The following PPP2R5E variants were observed in gnomAD, a reference collection of about 807,000 sequenced individuals.
PPP2R5E encodes the protein serine/threonine-protein phosphatase 2A 56 kDa regulatory subunit epsilon isoform.
Under a neutral mutation model 65.3 loss-of-function variants are expected in PPP2R5E, and 4 were observed. The observed-to-expected ratio is 0.06, with a 90% confidence interval of 0.03 to 0.14. The LOEUF is 0.14. PPP2R5E is among the 10% of genes least tolerant of loss of function. PPP2R5E has a pLI of 1.00. For synonymous variants in PPP2R5E, 183 were observed against 187.4 expected (o/e 0.98, Z 0.19); for missense variants, 274 against 556.1 (o/e 0.49, Z 5.10).
intron 2 of PPP2R5E, among the ~76,000 whole-genome samples, chr14:63,501,724 T>C (rs1891899314): frequency 1.3e-5 from 2 of 152,162 alleles, no homozygotes; most frequent in Non-Finnish European, 1.5e-5. Context: ...GTGAATTATG[T>C]CTCAATAAAG....
At chr14:63,511,422 G>C (rs1258344933) in intron 2 of PPP2R5E, among the ~76,000 whole-genome samples, 1 of 152,128 alleles carries the variant, frequency 6.6e-6, no homozygotes, top group Non-Finnish European at 1.5e-5. Context: ...TCCATCTGAC[G>C]GGATGTTCAT....
At chr14:63,481,720 T>C (rs185858292) in intron 2 of PPP2R5E, among the ~76,000 whole-genome samples, 4 of 152,328 alleles carry the variant, frequency 2.6e-5, no homozygotes, top group African/African-American at 9.6e-5. Context: ...CAATGACAAA[T>C]TCTGTTTACT....
chr14:63,535,072 T>C (rs1893613556), intron 2 of PPP2R5E, among the ~76,000 whole-genome samples: 1 of 152,184 alleles, frequency 6.6e-6, no homozygotes. Context: ...ACAGGTGGTG[T>C]TGCTTTCTAC....
At chr14:63,379,275 G>A (rs1884174519) in intron 13 of PPP2R5E, among the ~76,000 whole-genome samples, 1 of 151,808 alleles carries the variant, frequency 6.6e-6, no homozygotes, top group African/African-American at 2.4e-5. Flanking sequence ...TGATCCGCCC[G>A]CCTCGGCCTC....
chr14:63,424,753 A>AAT (rs1347341070), intron 3 of PPP2R5E, among the ~76,000 whole-genome samples: 1 of 151,242 alleles, frequency 6.6e-6, no homozygotes, highest in Non-Finnish European at 1.5e-5. Context: ...TCCATCTCAA[A>AAT]AAAAAAAAAA....
chr14:63,448,213 T>C (rs781595375), intron 3 of PPP2R5E, among the ~76,000 whole-genome samples: 35 of 151,588 alleles, frequency 2.3e-4, no homozygotes, highest in Admixed American at 1.9e-3. Context: ...AGGAGACTGG[T>C]GTGAACCCCG....
At chr14:63,422,729 T>TTAAAAAA (rs1448115162) in intron 3 of PPP2R5E, among the ~76,000 whole-genome samples, 2 of 88,196 alleles carry the variant, frequency 2.3e-5, no homozygotes, top group African/African-American at 7.9e-5. Flanking sequence ...TCCGTCTATT[T>TTAAAAAA]AAAAAAAAAA....
chr14:63,468,185 C>G (rs1019612341), intron 2 of PPP2R5E, among the ~76,000 whole-genome samples: 2 of 152,148 alleles, frequency 1.3e-5, no homozygotes, highest in Non-Finnish European at 2.9e-5. Flanking sequence ...AGTGATAGCA[C>G]GAGCGTTTAA....
At chr14:63,389,912 G>GGTACTTGGAAAAATTCTAC (rs2139774186) in intron 10 of PPP2R5E, among the ~76,000 whole-genome samples, 181 bp from the exon 11 acceptor site, 1 of 151,996 alleles carries the variant, frequency 6.6e-6, no homozygotes, top group South Asian at 2.1e-4. Flanking sequence ...TTCACCATAG[G>GGTACTTGGAAAAATTCTAC]GTACTTGGAA....
At chr14:63,498,434 G>C (rs1208507717) in intron 2 of PPP2R5E, among the ~76,000 whole-genome samples, 11 of 151,772 alleles carry the variant, frequency 7.2e-5, no homozygotes, top group Non-Finnish European at 1.6e-4. Flanking sequence ...TTTTAGAAAA[G>C]GATGTTTTTC....
Position 63,376,103 on chromosome 14 carries a change from T to A in PPP2R5E, c.1310A>T (p.Lys437Ile). The change falls in exon 14 of 14, where the codon AAA becomes ATA. Residue 437 changes from lysine to isoleucine, a missense_variant. Lys to Ile is a moderately radical substitution (Grantham distance 102, BLOSUM62 -3). Coordinates refer to ENST00000337537, the MANE Select transcript of PPP2R5E (RefSeq NM_006246.5). Reference protein sequence around the residue: ...ATYKSDRQREKKKEKEREELW... With the variant: ...ATYKSDRQREIKKEKEREELW... The stretch of plus-strand genomic sequence containing the variant: ...TTCTTCACGCTCCTTTTCTTTCTTT[T>A]TCTCACTGAGGAAGAAACAGAATAC... The A allele has an allele frequency of 1.3e-6, 2 of 1,594,428 alleles. No homozygotes were observed. Among genetic ancestry groups the A allele is most frequent in the Non-Finnish European group, 1.7e-6 (2 of 1,162,372 alleles).
At chr14:63,492,068 C>G (rs976146018) in intron 2 of PPP2R5E, among the ~76,000 whole-genome samples, 2 of 152,094 alleles carry the variant, frequency 1.3e-5, no homozygotes, top group Non-Finnish European at 2.9e-5. Context: ...AGCCCAGAAA[C>G]TTTCTGTGTT....
intron 3 of PPP2R5E, among the ~76,000 whole-genome samples, chr14:63,430,405 A>ACATACATACATACATGCATACATG (rs1887607625): frequency 2.1e-5 from 3 of 144,072 alleles, no homozygotes; most frequent in African/African-American, 8.6e-5. Flanking sequence ...ATACATGCAT[A>ACATACATACATACATGCATACATG]CATACATACA....
At chr14:63,460,282 G>A (rs1327801065) in intron 2 of PPP2R5E, among the ~76,000 whole-genome samples, 11 of 152,116 alleles carry the variant, frequency 7.2e-5, no homozygotes, top group Non-Finnish European at 1.5e-4. Context: ...CACCCAGAAA[G>A]GCTAAGTCAT....
chr14:63,529,266 A>AT (rs944143564), intron 2 of PPP2R5E, among the ~76,000 whole-genome samples: 4 of 146,270 alleles, frequency 2.7e-5, no homozygotes, highest in Non-Finnish European at 4.5e-5. Context: ...GCCAAAGACT[A>AT]TTTTTTTTTC....
intron 10 of PPP2R5E, among the ~76,000 whole-genome samples, chr14:63,390,670 G>A (rs1884966740): frequency 6.6e-6 from 1 of 152,204 alleles, no homozygotes. Flanking sequence ...TTGGAGAATT[G>A]AAGCTGATTT....
In PPP2R5E at chr14:63,528,545, A is replaced by G. The variant is rs576183657; in HGVS notation, c.157+10984T>C. On this transcript the variant is annotated intron_variant, in intron 2 of 13. Transcript: ENST00000337537. ...ATGTTTTTAACCTGAAACATGCAGA[A>G]TTACCAAAGCACAAACCCACTCAGG... 5.3e-4 allele frequency among the ~76,000 whole-genome samples: 81 copies of G among 152,368 alleles called. 2 individuals are homozygous for G. In the South Asian group the frequency reaches 0.015, roughly 29 times the overall value.
chr14:63,493,373 G>A lies in PPP2R5E; in HGVS notation c.158-39488C>T, dbSNP rs1336775061. ...CTATAGAATATTTAGCAGCATCCCT[G>A]GCCTGTCTGCCACTAGATGCCAGTA... On this transcript the variant is annotated intron_variant, in intron 2 of 13. Transcript: ENST00000337537. 2.6e-5 allele frequency among the ~76,000 whole-genome samples: 4 copies of A among 152,030 alleles called. No individual in the cohort carries two copies. In the East Asian group the frequency reaches 5.8e-4, roughly 22 times the overall value.
At chr14:63,522,387 G>T (rs1046917666) in intron 2 of PPP2R5E, among the ~76,000 whole-genome samples, 13 of 151,090 alleles carry the variant, frequency 8.6e-5, no homozygotes, top group Non-Finnish European at 1.5e-4. Context: ...AGTGAGGAGC[G>T]TCTCTGCCTG....
Sources: gnomAD v4.1 joint callset for allele counts (sites outside exome capture counted in the v4.1 genomes callset) on GRCh38, gnomAD v4.1.1 for gene constraint, MANE v1.5 for transcripts, NCBI Gene and HGNC (gene_info 2026-07-23, HGNC 2026-07-21) for gene names.